Variants in FMNL1 observed in about 807,000 individuals in gnomAD.
FMNL1 encodes formin like 1, also known as formin-like protein 1.
FMNL1 carries 43 observed loss-of-function variants against 121.3 expected under a neutral mutation model. That is an observed-to-expected ratio of 0.35 (90% CI 0.28 to 0.46). FMNL1 has a LOEUF of 0.46. Ranked by LOEUF, FMNL1 falls within the 20% of genes least tolerant of loss-of-function variation. FMNL1 has a pLI of 1.00. For missense variants in FMNL1, 1,191 were observed against 1,482.4 expected, an observed-to-expected ratio of 0.80 and a Z score of 3.23; for synonymous variants, 613 against 613.5, an observed-to-expected ratio of 1.00 and a Z score of 0.01.
intron 7 of FMNL1, chr17:45,236,512 CAAG>C (rs2143432639): frequency 3.0e-6 from 1 of 335,016 alleles, no homozygotes; most frequent in East Asian, 5.1e-5. Context: ...GCTCACCTAC[CAAG>C]AAGGGCTGGC....
intron 11 of FMNL1, among the ~76,000 whole-genome samples, chr17:45,239,918 T>A (rs1407858452): frequency 6.6e-6 from 1 of 151,794 alleles, no homozygotes; most frequent in Non-Finnish European, 1.5e-5. Flanking sequence ...GCCTCCCCAG[T>A]AGTTGGGATT....
In FMNL1 at chr17:45,233,028, G is replaced by A. The variant is rs1176235737; in HGVS notation, c.328-196G>A. The A allele has an allele frequency of 1.3e-5, 9 of 678,626 alleles. No individual in the cohort carries two copies. The highest frequency in any genetic ancestry group is 5.4e-6 in the Non-Finnish European group (2 of 370,354). The allele number at this position is 678,626 out of a possible 1,614,324, so 42.0% of individuals were successfully genotyped here. A position where few individuals can be genotyped will look rare whatever the true frequency, so the allele number is the denominator to read the frequency against. ...GGGTGTGTGTACCCTGCTTGTCTAT[G>A]TATGGGGGAGCACATGTAGCCTGTG... On this transcript the variant is annotated intron_variant, in intron 3 of 26. Coordinates refer to ENST00000331495, the MANE Select transcript of FMNL1 (RefSeq NM_005892.4). This position sits in a 1 kb window ranked among gnomAD's most constrained non-coding sequence, Gnocchi z 4.1.
At chr17:45,244,146 C>T in intron 18 of FMNL1, 30 bp from the exon 19 acceptor site, 1 of 1,611,554 alleles carries the variant, frequency 6.2e-7, no homozygotes, top group Non-Finnish European at 8.5e-7. Context: ...GAGGCTCCAA[C>T]TTATCTTACC....
rs1327350245 is a variant in FMNL1, at chr17:45,237,384, C to T, written c.800+27C>T. 1 of 1,613,820 alleles carries T rather than the reference C, an allele frequency of 6.2e-7. No individual in the cohort carries two copies. Among genetic ancestry groups the T allele is most frequent in the East Asian group, 2.2e-5 (1 of 44,882 alleles). Reference sequence around the variant, plus strand: ...TGAGGTCCAGGCCCCAAACCTTTCTCCGTATCTAGAGTCTTCTCCTACTTA... The same window carrying T: ...TGAGGTCCAGGCCCCAAACCTTTCTTCGTATCTAGAGTCTTCTCCTACTTA... On this transcript the variant is annotated intron_variant, in intron 8 of 26. Transcript: ENST00000331495. The surrounding 1 kb of genome is among the most constrained non-coding windows in gnomAD (Gnocchi z 4.4).
rs2143445048 is a variant in FMNL1, at chr17:45,237,089, G to C, written c.724-192G>C. Among the ~76,000 whole-genome samples the C allele has an allele frequency of 6.6e-6, 1 of 152,326 alleles. No homozygotes were observed. The highest frequency in any genetic ancestry group is 2.1e-4 in the South Asian group (1 of 4,830). On this transcript the variant is annotated intron_variant, in intron 7 of 26. Transcript: ENST00000331495. This position sits in a 1 kb window ranked among gnomAD's most constrained non-coding sequence, Gnocchi z 4.4. ...GCTGAGATGGCGCCACTGCGCTCCA[G>C]CCTGGGTGACAGAGGGAAACTCCAT...
chr17:45,238,800 G>T, intron 10 of FMNL1, 155 bp from the exon 11 acceptor site: 1 of 1,094,718 alleles, frequency 9.1e-7, no homozygotes, highest in East Asian at 2.4e-5. Flanking sequence ...GCTGGATTGA[G>T]GGAACATGGA....
chr17:45,240,348 T>A, intron 11 of FMNL1, 128 bp from the exon 12 acceptor site: 3 of 949,194 alleles, frequency 3.2e-6, no homozygotes, highest in East Asian at 2.9e-5. Context: ...TATTAAAAAA[T>A]AAAGAAAAAG....
In FMNL1 at chr17:45,233,156, C is replaced by T. The variant is rs2043475587; in HGVS notation, c.328-68C>T. The T allele has an allele frequency of 6.6e-7, 1 of 1,510,324 alleles. No individual in the cohort carries two copies. Among genetic ancestry groups the T allele is most frequent in the African/African-American group, 1.4e-5 (1 of 72,132 alleles). 93.6% of individuals were successfully genotyped at this position (1,510,324 alleles called of 1,614,324 possible). On this transcript the variant is annotated intron_variant, in intron 3 of 26. Transcript: ENST00000331495. The surrounding 1 kb of genome is among the most constrained non-coding windows in gnomAD (Gnocchi z 4.1). ...GAGGGTGGGCGCTGCTGCCTGCTGC[C>T]TCAGGACTTGGTGGGCCTGTGGGAG...
intron 1 of FMNL1, among the ~76,000 whole-genome samples, chr17:45,228,805 C>T (rs2043380358): frequency 6.7e-6 from 1 of 150,362 alleles, no homozygotes; most frequent in Non-Finnish European, 1.5e-5. Context: ...CTGTGCTGGG[C>T]TCAGCCATCC....
At chr17:45,239,804 C>CTT (rs113701881) in intron 11 of FMNL1, among the ~76,000 whole-genome samples, 2 of 146,910 alleles carry the variant, frequency 1.4e-5, no homozygotes, top group African/African-American at 5.1e-5. Flanking sequence ...TCTATGATTG[C>CTT]TTTTTTTTTG....
At chr17:45,227,029 T>C (rs2043342399) in intron 1 of FMNL1, among the ~76,000 whole-genome samples, 1 of 152,070 alleles carries the variant, frequency 6.6e-6, no homozygotes, top group Non-Finnish European at 1.5e-5. Context: ...ACAACTAAGG[T>C]TGAGACCATA....
chr17:45,245,279 G>A lies in FMNL1; in HGVS notation c.2755G>A (p.Val919Met), dbSNP rs2043803543. The A allele has an allele frequency of 3.1e-6, 5 of 1,614,194 alleles. No homozygotes were observed. Among genetic ancestry groups the A allele is most frequent in the Non-Finnish European group, 4.2e-6 (5 of 1,180,024 alleles). ...SVSLDSVLAD[V>M]RSLQRGLELT... ...GTCCCTGGACAGTGTCCTGGCGGAC[G>A]TGCGCTCCCTGCAGCGAGGCCTAGA... The change falls in exon 22 of 27, where the codon GTG becomes ATG. Residue 919 changes from valine (V) to methionine (M), a missense_variant. Physicochemically the swap from Val to Met is conservative, Grantham distance 21. Coordinates refer to ENST00000331495, the MANE Select transcript of FMNL1 (RefSeq NM_005892.4).
rs1263480376 is a variant in FMNL1, at chr17:45,242,008, G to C, written c.1747G>C (p.Asp583His). The change falls in exon 15 of 27, where the codon GAC (aspartate) becomes CAC (histidine). Residue 583 changes from aspartate (D) to histidine (H), a missense_variant. This residue lies in a region of FMNL1 where 519 missense variants were observed against 492.8 expected (regional missense o/e 1.05). Coordinates refer to ENST00000331495, the MANE Select transcript of FMNL1 (RefSeq NM_005892.4). ...EPPPAPPLPGDLPPPPPPPPP... is the reference protein window; with the variant it reads ...EPPPAPPLPGHLPPPPPPPPP... ...CCCGCCTGCGCCGCCGCTGCCCGGA[G>C]ACCTGCCGCCCCCACCCCCGCCACC... 5 of 1,325,194 alleles carry C rather than the reference G, an allele frequency of 3.8e-6. No individual in the cohort carries two copies. In the East Asian group the frequency reaches 1.4e-4, roughly 37 times the overall value. The allele number at this position is 1,325,194 out of a possible 1,614,324, so 82.1% of individuals were successfully genotyped here.
chr17:45,243,435 C>T, intron 17 of FMNL1, 115 bp downstream of exon 17: 1 of 1,243,714 alleles, frequency 8.0e-7, no homozygotes, highest in East Asian at 2.5e-5. Flanking sequence ...AGGCTTCATA[C>T]CAACCCTGGT....
At chr17:45,242,233 C>T in intron 15 of FMNL1, 87 bp downstream of exon 15, 1 of 1,571,844 alleles carries the variant, frequency 6.4e-7, no homozygotes, top group South Asian at 1.2e-5. Flanking sequence ...GGTCCTCTGC[C>T]TGGGGGCCTC....
intron 6 of FMNL1, among the ~76,000 whole-genome samples, chr17:45,235,526 A>G (rs1989229): frequency 0.28 from 42,061 of 152,138 alleles, 6,762 homozygotes; most frequent in African/African-American, 0.44. Flanking sequence ...GAATCATCAG[A>G]GAGACTGACA....
Position 45,242,145 on chromosome 17 carries a change from A to G in FMNL1, c.1884A>G (p.Pro628=). The change falls in exon 15 of 27, where the codon CCA becomes CCG. Residue 628 remains proline (P), a splice_region_variant and synonymous_variant. Coordinates refer to ENST00000331495, the MANE Select transcript of FMNL1 (RefSeq NM_005892.4). ...GAAGACGCGACTCAGAATTGGGCCC[A>G]GGTGAGTGGAGTGGACCACCTTGGG... is the stretch of plus-strand genomic sequence containing the variant. The part of the protein sequence containing the change: ...ALGRRDSELG[P]GVKAKKPIQT... The G allele has an allele frequency of 4.6e-6, 7 of 1,532,350 alleles. No homozygotes were observed. Among genetic ancestry groups the G allele is most frequent in the Non-Finnish European group, 6.1e-6 (7 of 1,139,750 alleles). The allele number at this position is 1,532,350 out of a possible 1,614,324, so 94.9% of individuals were successfully genotyped here.
chr17:45,233,866 A>C lies in FMNL1; in HGVS notation c.485+135A>C, dbSNP rs965028306. The C allele has an allele frequency of 1.5e-6, 2 of 1,359,202 alleles. No homozygotes were observed. The highest frequency in any genetic ancestry group is 2.9e-5 in the African/African-American group (2 of 68,768). 84.2% of individuals were successfully genotyped at this position (1,359,202 alleles called of 1,614,324 possible). A position where few individuals can be genotyped will look rare whatever the true frequency, so the allele number is the denominator to read the frequency against. On this transcript the variant is annotated intron_variant, in intron 5 of 26. Coordinates refer to ENST00000331495, the MANE Select transcript of FMNL1 (RefSeq NM_005892.4). This position sits in a 1 kb window ranked among gnomAD's most constrained non-coding sequence, Gnocchi z 4.1. Reference sequence around the variant, plus strand: ...CCCTGGAACCCTCCACTTGGCCTTGAGCGATGCTCCTTCCAGAAGGCCTGC... The same window carrying C: ...CCCTGGAACCCTCCACTTGGCCTTGCGCGATGCTCCTTCCAGAAGGCCTGC...
In FMNL1 at chr17:45,223,839, G is replaced by C. The variant is rs1275617158; in HGVS notation, c.129+1586G>C. Among the ~76,000 whole-genome samples, 4 of 152,188 alleles carry C rather than the reference G, an allele frequency of 2.6e-5. No individual in the cohort carries two copies. In the South Asian group the frequency reaches 8.3e-4, roughly 31 times the overall value. Reference sequence around the variant, plus strand: ...GGTCCTGACCCCAATCTTCTGTTTAGCACGCTGATGGGGAGGAGCCCTGTG... The same window carrying C: ...GGTCCTGACCCCAATCTTCTGTTTACCACGCTGATGGGGAGGAGCCCTGTG... On this transcript the variant is annotated intron_variant, in intron 1 of 26. Coordinates refer to ENST00000331495, the MANE Select transcript of FMNL1 (RefSeq NM_005892.4).
Sources: allele counts gnomAD v4.1 joint callset (sites outside exome capture counted in the v4.1 genomes callset), GRCh38; gene constraint gnomAD v4.1.1; regional missense constraint gnomAD v4.1.1; non-coding constraint Gnocchi (gnomAD v3.1); transcripts MANE v1.5; gene names NCBI Gene and HGNC (gene_info 2026-07-23, HGNC 2026-07-21).